Variants in KALRN observed in about 807,000 individuals in gnomAD.
KALRN encodes the protein kalirin.
In KALRN, 70 loss-of-function variants were observed where a neutral mutation model predicts 353.7. The ratio of observed to expected loss-of-function variants is 0.20; its 90% CI spans 0.16 to 0.24. The LOEUF (loss-of-function observed/expected upper bound fraction) is 0.24, where lower values mean the gene tolerates loss of function less well. KALRN is among the 10% of genes least tolerant of loss of function. The probability of loss-of-function intolerance (pLI) is 1.00; values close to 1 mark genes in which losing one functional copy is unlikely to be tolerated. For missense variants in KALRN, 2,791 were observed against 3,756.7 expected (o/e 0.74, Z 6.72); for synonymous variants, 1,391 against 1,434.8 (o/e 0.97, Z 0.69).
intron 10 of KALRN, among the ~76,000 whole-genome samples, chr3:124,356,974 AT>A (rs1290162153): frequency 6.6e-6 from 1 of 151,876 alleles, no homozygotes; most frequent in Non-Finnish European, 1.5e-5. Context: ...CTCTATTGCA[AT>A]TTTCAGAGGG....
At chr3:124,493,067 G>T (rs2063340827) in intron 32 of KALRN, among the ~76,000 whole-genome samples, 185 bp downstream of exon 32, 1 of 152,138 alleles carries the variant, frequency 6.6e-6, no homozygotes, top group Non-Finnish European at 1.5e-5. Context: ...ATTCAGCAGG[G>T]CTTCATTGAG....
At chr3:124,513,533 C>T (rs1320820345) in intron 33 of KALRN, among the ~76,000 whole-genome samples, 1 of 152,124 alleles carries the variant, frequency 6.6e-6, no homozygotes, top group African/African-American at 2.4e-5. Context: ...GAACCCATTA[C>T]CCTCTCTTCC....
chr3:124,616,128 A>G (rs1211322328), intron 34 of KALRN, among the ~76,000 whole-genome samples: 2 of 152,200 alleles, frequency 1.3e-5, no homozygotes, highest in Admixed American at 1.3e-4. Flanking sequence ...CCATATATGC[A>G]GTTTCCTCTT....
chr3:124,633,015 C>G (rs1272495393), intron 35 of KALRN, among the ~76,000 whole-genome samples: 1 of 152,134 alleles, frequency 6.6e-6, no homozygotes, highest in African/African-American at 2.4e-5. Flanking sequence ...CCAGCTAGAC[C>G]TGTTTAGATT....
intron 6 of KALRN, among the ~76,000 whole-genome samples, chr3:124,313,274 A>C (rs1185472975): frequency 6.6e-6 from 1 of 151,778 alleles, no homozygotes; most frequent in South Asian, 2.1e-4. Context: ...TAAAAAGCAA[A>C]CCCCCACCCC....
intron 6 of KALRN, among the ~76,000 whole-genome samples, chr3:124,323,780 G>A (rs1322265445): frequency 1.3e-5 from 2 of 152,220 alleles, no homozygotes; most frequent in African/African-American, 4.8e-5. Context: ...ATCTGGGTAA[G>A]GTGGCAGGGG....
chr3:124,512,233 G>T (rs902077862), intron 33 of KALRN, among the ~76,000 whole-genome samples: 1 of 152,222 alleles, frequency 6.6e-6, no homozygotes, highest in Non-Finnish European at 1.5e-5. Context: ...CTAGTAAGTC[G>T]GGTCCTCCAC....
chr3:124,175,455 G>A (rs1189935928), intron 1 of KALRN, among the ~76,000 whole-genome samples: 1 of 151,996 alleles, frequency 6.6e-6, no homozygotes, highest in Non-Finnish European at 1.5e-5. Flanking sequence ...TCTCCAGGAT[G>A]CGGAGGTGCG....
Position 124,517,090 on chromosome 3 carries a change from A to G in KALRN, c.4935+20677A>G, listed in dbSNP as rs577219702. ...CTCAGCCTCCCAAAGTTCTAGGATT[A>G]CAGGCGTGAGCCACCATGCCCGGCC... is the stretch of plus-strand genomic sequence containing the variant. On this transcript the variant is annotated intron_variant, in intron 33 of 59. Transcript: ENST00000682506. 1.3e-5 allele frequency among the ~76,000 whole-genome samples: 2 copies of G among 152,300 alleles called. 1 individual carries two copies. Among genetic ancestry groups the G allele is most frequent in the African/African-American group, 4.8e-5 (2 of 41,574 alleles).
At chr3:124,678,686 G>T in intron 50 of KALRN, 1 of 168,946 alleles carries the variant, frequency 5.9e-6, no homozygotes, top group Admixed American at 5.7e-5. Flanking sequence ...AAGCAATTAG[G>T]GATGCCTTCC....
At chr3:124,698,234 C>T (rs775780780) in intron 55 of KALRN, among the ~76,000 whole-genome samples, 28 of 152,232 alleles carry the variant, frequency 1.8e-4, no homozygotes, top group Non-Finnish European at 3.1e-4. Flanking sequence ...CCTCAGCCTC[C>T]GGAAGTGCTG....
intron 10 of KALRN, among the ~76,000 whole-genome samples, chr3:124,355,800 C>T (rs1229976763): frequency 6.9e-6 from 1 of 145,302 alleles, no homozygotes; most frequent in Non-Finnish European, 1.5e-5. Flanking sequence ...ACTGCAATCT[C>T]TGCCCCCCAG....
intron 33 of KALRN, among the ~76,000 whole-genome samples, chr3:124,561,780 G>T (rs2072042552): frequency 6.6e-6 from 1 of 152,110 alleles, no homozygotes; most frequent in South Asian, 2.1e-4. Flanking sequence ...TACCAAGCTG[G>T]GCCTCAGCCT....
At chr3:124,074,287 GAATGTGTGCC>G (rs1197824092) in intron 1 of KALRN, among the ~76,000 whole-genome samples, 1 of 152,186 alleles carries the variant, frequency 6.6e-6, no homozygotes, top group African/African-American at 2.4e-5. Flanking sequence ...ACTTTTCTAT[GAATGTGTGCC>G]CTGAATTTCT....
At chr3:124,351,225 C>T (rs903228921) in intron 10 of KALRN, among the ~76,000 whole-genome samples, 12 of 152,092 alleles carry the variant, frequency 7.9e-5, no homozygotes, top group Non-Finnish European at 1.3e-4. Flanking sequence ...GAAAAGTTCT[C>T]GAGTAAGAAG....
intron 1 of KALRN, among the ~76,000 whole-genome samples, chr3:124,055,448 A>G (rs1017876923): frequency 3.3e-5 from 5 of 152,198 alleles, no homozygotes; most frequent in African/African-American, 9.7e-5. Flanking sequence ...TCTTACAGCT[A>G]TTCACTCTAT....
At chr3:124,514,364 C>T (rs2066299292) in intron 33 of KALRN, among the ~76,000 whole-genome samples, 1 of 152,088 alleles carries the variant, frequency 6.6e-6, no homozygotes, top group Non-Finnish European at 1.5e-5. Context: ...GAATTCCCCA[C>T]CCGATCTAAT....
chr3:124,350,353 A>T (rs1353234122), intron 10 of KALRN, among the ~76,000 whole-genome samples: 9 of 152,194 alleles, frequency 5.9e-5, no homozygotes, highest in Admixed American at 5.9e-4. Context: ...TGTTTCCATT[A>T]TATATCTTGT....
chr3:124,667,881 A>G (rs1260254733), intron 47 of KALRN, among the ~76,000 whole-genome samples: 1 of 152,022 alleles, frequency 6.6e-6, no homozygotes, highest in Non-Finnish European at 1.5e-5. Context: ...TGAGCTTGGC[A>G]TGGGAAAGGG....
Sources: gnomAD v4.1 joint callset for allele counts (sites outside exome capture counted in the v4.1 genomes callset) on GRCh38, gnomAD v4.1.1 for gene constraint, MANE v1.5 for transcripts, NCBI Gene and HGNC (gene_info 2026-07-23, HGNC 2026-07-21) for gene names.